The following RNH1 variants were observed in gnomAD, a reference collection of about 807,000 sequenced individuals.
RNH1 encodes the protein ribonuclease inhibitor.
Under a neutral mutation model 46.1 loss-of-function variants are expected in RNH1, and 38 were observed. That is an observed-to-expected ratio of 0.82 (90% confidence interval 0.64 to 1.08). The LOEUF is 1.08. Ranked by LOEUF, RNH1 falls within the 50% of genes least tolerant of loss-of-function variation. The probability of loss-of-function intolerance (pLI) is 0.00; values close to 1 mark genes in which losing one functional copy is unlikely to be tolerated. For synonymous variants in RNH1, 319 were observed against 279.1 expected (o/e 1.14, Z -1.43); for missense variants, 577 against 590.7 (o/e 0.98, Z 0.24).
chr11:495,569 C>T (rs1848983137), intron 9 of RNH1, among the ~76,000 whole-genome samples: 1 of 152,210 alleles, frequency 6.6e-6, no homozygotes, highest in Non-Finnish European at 1.5e-5. Context: ...CCGCCACAGG[C>T]CGGACAGCAG....
Position 502,500 on chromosome 11 carries a change from G to C in RNH1, c.-87-251C>G, listed in dbSNP as rs1849835954. On this transcript the variant is annotated intron_variant, in intron 2 of 10. Transcript: ENST00000354420. The surrounding 1 kb of genome is among the most constrained non-coding windows in gnomAD (Gnocchi z 5.8). ...TGGGCACCTCCTCCTGCCCCACAGA[G>C]GGCGGGACAGCAGCAGCCCGGGAAG... The C allele has an allele frequency of 5.0e-6, 2 of 397,492 alleles. No homozygotes were observed. The highest frequency in any genetic ancestry group is 4.7e-5 in the East Asian group (1 of 21,444). 24.6% of individuals were successfully genotyped at this position (397,492 alleles called of 1,614,324 possible).
intron 1 of RNH1, chr11:505,275 G>A (rs1345534703): frequency 6.6e-6 from 1 of 152,126 alleles, no homozygotes; most frequent in Non-Finnish European, 1.5e-5. Flanking sequence ...AAATAAGAAT[G>A]GCCCTGAAAG....
chr11:504,071 G>A (rs962267908), intron 2 of RNH1, among the ~76,000 whole-genome samples: 9 of 152,206 alleles, frequency 5.9e-5, no homozygotes, highest in Non-Finnish European at 1.3e-4. Context: ...TCCCTTATCC[G>A]GAGACCAGAC....
In RNH1 at chr11:502,402, G is replaced by C. The variant is rs946640224; in HGVS notation, c.-87-153C>G. On this transcript the variant is annotated intron_variant, in intron 2 of 10. Coordinates refer to ENST00000354420, the MANE Select transcript of RNH1 (RefSeq NM_203387.3). The surrounding 1 kb of genome is among the most constrained non-coding windows in gnomAD (Gnocchi z 5.8). ...AGGGACCAGCACCCACCCCCAGAAA[G>C]GCCACCATGGGCAGCAGAGCTTGGG... is the stretch of plus-strand genomic sequence containing the variant. 7.0e-6 allele frequency: 4 copies of C among 570,184 alleles called. No individual in the cohort carries two copies. Among genetic ancestry groups the C allele is most frequent in the African/African-American group, 1.9e-5 (1 of 53,450 alleles). 35.3% of individuals were successfully genotyped at this position (570,184 alleles called of 1,614,324 possible). A position where few individuals can be genotyped will look rare whatever the true frequency, so the allele number is the denominator to read the frequency against.
intron 9 of RNH1, among the ~76,000 whole-genome samples, chr11:497,187 T>G (rs1014650693): frequency 2.8e-5 from 4 of 141,956 alleles, no homozygotes; most frequent in African/African-American, 1.1e-4. Context: ...ACACGGACAC[T>G]CGTGCTCACT....
At chr11:504,091 C>T (rs1850002743) in intron 2 of RNH1, among the ~76,000 whole-genome samples, 1 of 152,238 alleles carries the variant, frequency 6.6e-6, no homozygotes, top group Non-Finnish European at 1.5e-5. Context: ...CTTTCTCAAC[C>T]TTACGGAGGG....
intron 9 of RNH1, among the ~76,000 whole-genome samples, chr11:496,586 A>G (rs897444735): frequency 2.0e-5 from 3 of 152,270 alleles, no homozygotes; most frequent in South Asian, 2.1e-4. Context: ...GGAGAATGGC[A>G]TGAACTTGGG....
At chr11:495,234 C>A (rs921120025) in intron 9 of RNH1, among the ~76,000 whole-genome samples, 181 bp from the exon 10 acceptor site, 1 of 152,224 alleles carries the variant, frequency 6.6e-6, no homozygotes, top group Non-Finnish European at 1.5e-5. Flanking sequence ...CCACCACGGA[C>A]AAGGAAGGCA....
chr11:497,875 C>T (rs1219459278), intron 9 of RNH1, 96 bp downstream of exon 9: 4 of 1,434,366 alleles, frequency 2.8e-6, no homozygotes, highest in Non-Finnish European at 1.9e-6. Context: ...CACGGACACT[C>T]GTGCTCACAC....
In RNH1 at chr11:499,908, C is replaced by T. The variant is rs759293443; in HGVS notation, c.364G>A (p.Asp122Asn). The T allele has an allele frequency of 6.2e-6, 10 of 1,613,160 alleles. No homozygotes were observed. The highest frequency in any genetic ancestry group is 1.7e-4 in the Middle Eastern group (1 of 5,950). ...AGGCCCGCATCCCCCAAGAGGTTGT[C>T]GCTGAGGTGCAGCTCCTGCAGGGTG... ...LPTLQELHLS[D>N]NLLGDAGLQL... Residue 122 changes from aspartate (D) to asparagine (N), a missense_variant, in exon 5 of 11, where the codon GAC becomes AAC. Coordinates refer to ENST00000354420, the MANE Select transcript of RNH1 (RefSeq NM_203387.3).
At chr11:497,905 C>T in intron 9 of RNH1, 66 bp downstream of exon 9, 1 of 1,543,646 alleles carries the variant, frequency 6.5e-7, no homozygotes, top group Non-Finnish European at 8.8e-7. Context: ...TGCACTCTCG[C>T]CCTTGTGTGC....
intron 9 of RNH1, 82 bp downstream of exon 9, chr11:497,889 T>C: frequency 1.3e-6 from 2 of 1,489,554 alleles, no homozygotes; most frequent in South Asian, 2.5e-5. Context: ...CTCACACAGA[T>C]ACTCGTGCAC....
At chr11:495,561 G>A (rs184433929) in intron 9 of RNH1, among the ~76,000 whole-genome samples, 8 of 152,268 alleles carry the variant, frequency 5.3e-5, no homozygotes, top group African/African-American at 9.6e-5. Flanking sequence ...GGGTGGAGCC[G>A]CCACAGGCCG....
chr11:501,832 C>T lies in RNH1; in HGVS notation c.101+230G>A. 1 of 557,316 alleles carries T rather than the reference C, an allele frequency of 1.8e-6. No homozygotes were observed. The highest frequency in any genetic ancestry group is 3.2e-6 in the Non-Finnish European group (1 of 309,910). 34.5% of individuals were successfully genotyped at this position (557,316 alleles called of 1,614,324 possible). A position where few individuals can be genotyped will look rare whatever the true frequency, so the allele number is the denominator to read the frequency against. On this transcript the variant is annotated intron_variant, in intron 3 of 10. Coordinates refer to ENST00000354420, the MANE Select transcript of RNH1 (RefSeq NM_203387.3). This position sits in a 1 kb window ranked among gnomAD's most constrained non-coding sequence, Gnocchi z 4.1. The stretch of plus-strand genomic sequence containing the variant: ...AGACCCACTGGCCAGTGGCCGCCCA[C>T]CTCGGCCCGCCCACCTCAGCCCATG...
intron 5 of RNH1, chr11:499,440 C>A: frequency 1.5e-6 from 1 of 680,296 alleles, no homozygotes; most frequent in Non-Finnish European, 2.7e-6. Flanking sequence ...AGAAAGAAAC[C>A]AGCCTCTGGA....
Position 498,825 on chromosome 11 carries a change from A to T in RNH1, c.723T>A (p.Asp241Glu). 1 of 1,610,254 alleles carries T rather than the reference A, an allele frequency of 6.2e-7. No individual in the cohort carries two copies. Among genetic ancestry groups the T allele is most frequent in the Non-Finnish European group, 8.5e-7 (1 of 1,179,698 alleles). Residue 241 changes from aspartate (D) to glutamate (E), a missense_variant, in exon 7 of 11, where the codon GAT becomes GAA. By Grantham distance (45) the Asp-to-Glu change is conservative. Coordinates refer to ENST00000354420, the MANE Select transcript of RNH1 (RefSeq NM_203387.3). ...CTGGGCACAGCTCCGCCATGCCCACATCACCCAGCTTGTTGCTGCCCAGGG... is the reference window on the plus strand; with the variant it reads ...CTGGGCACAGCTCCGCCATGCCCACTTCACCCAGCTTGTTGCTGCCCAGGG... ...ELALGSNKLG[D>E]VGMAELCPGL...
chr11:496,924 G>C (rs11246166), intron 9 of RNH1, among the ~76,000 whole-genome samples: 89,775 of 152,260 alleles, frequency 0.59, 27,079 homozygotes, highest in East Asian at 0.83. Flanking sequence ...AGGTAGGCTG[G>C]AGCTCCGTGA....
chr11:494,754 C>T lies in RNH1; in HGVS notation c.1323G>A (p.Glu441=), dbSNP rs781667488. 5.6e-6 allele frequency: 9 copies of T among 1,613,924 alleles called. No homozygotes were observed. The highest frequency in any genetic ancestry group is 7.6e-6 in the Non-Finnish European group (9 of 1,179,996). Residue 441 remains glutamate (E), a synonymous_variant, in exon 11 of 11, where the codon GAG becomes GAA. Coordinates refer to ENST00000354420, the MANE Select transcript of RNH1 (RefSeq NM_203387.3). ...QLVLYDIYWS[E]EMEDRLQALE... ...GGGCCTGCAGCCGGTCCTCCATCTC[C>T]TCAGACCAGTAAATGTCGTACAGGC...
intron 2 of RNH1, chr11:503,099 C>G (rs1443745672): frequency 2.2e-5 from 3 of 136,944 alleles, no homozygotes; most frequent in African/African-American, 8.2e-5. Flanking sequence ...AGGGCAGGAA[C>G]CTGGAGAGGA....
Sources: gnomAD v4.1 joint callset for allele counts (sites outside exome capture counted in the v4.1 genomes callset) on GRCh38, gnomAD v4.1.1 for gene constraint, Gnocchi (gnomAD v3.1) non-coding constraint, MANE v1.5 for transcripts, NCBI Gene and HGNC (gene_info 2026-07-23, HGNC 2026-07-21) for gene names.